The following PREX2 variants were observed in gnomAD, a reference collection of about 807,000 sequenced individuals.
PREX2 encodes the protein phosphatidylinositol-3,4,5-trisphosphate dependent Rac exchange factor 2.
In PREX2, 107 loss-of-function variants were observed where a neutral mutation model predicts 203.2. That is an observed-to-expected ratio of 0.53 (90% CI 0.45 to 0.62). PREX2 has a LOEUF of 0.62. PREX2 is among the 20% of genes least tolerant of loss of function. PREX2 has a pLI of 0.00. For synonymous variants in PREX2, 672 were observed against 663.6 expected, an observed-to-expected ratio of 1.01 and a Z score of -0.19; for missense variants, 1,777 against 1,955.9, an observed-to-expected ratio of 0.91 and a Z score of 1.72.
chr8:68,104,398 C>T (rs1271616930), intron 23 of PREX2, among the ~76,000 whole-genome samples: 2 of 152,176 alleles, frequency 1.3e-5, no homozygotes, highest in African/African-American at 2.4e-5. Flanking sequence ...GCTCTGGTCA[C>T]ACTGGTTTTC....
intron 1 of PREX2, among the ~76,000 whole-genome samples, chr8:67,968,382 T>G (rs1805833862): frequency 6.6e-6 from 1 of 152,168 alleles, no homozygotes; most frequent in African/African-American, 2.4e-5. Flanking sequence ...CTAGAAATGA[T>G]ATTTCTTAAG....
intron 1 of PREX2, among the ~76,000 whole-genome samples, chr8:67,998,923 A>G (rs1395771202): frequency 6.6e-6 from 1 of 152,208 alleles, no homozygotes; most frequent in Non-Finnish European, 1.5e-5. Context: ...GAAGGGCTTG[A>G]CACTTTCTGG....
intron 38 of PREX2, among the ~76,000 whole-genome samples, chr8:68,219,604 T>C (rs55859127): frequency 0.036 from 5,464 of 152,284 alleles, 142 homozygotes; most frequent in Middle Eastern, 0.054. Context: ...CTGCCCCAAG[T>C]TGTGACGTCC....
chr8:68,109,997 T>C (rs1810506018), intron 25 of PREX2, among the ~76,000 whole-genome samples: 1 of 152,218 alleles, frequency 6.6e-6, no homozygotes, highest in South Asian at 2.1e-4. Flanking sequence ...ATGCACTCAA[T>C]AGATATTTAT....
At chr8:68,070,594 A>T (rs993468090) in intron 13 of PREX2, among the ~76,000 whole-genome samples, 1 of 152,148 alleles carries the variant, frequency 6.6e-6, no homozygotes, top group Non-Finnish European at 1.5e-5. Flanking sequence ...ACTAATTTGA[A>T]ATGGTCAGAT....
chr8:68,049,665 A>G (rs1489169288), intron 8 of PREX2, among the ~76,000 whole-genome samples: 2 of 152,124 alleles, frequency 1.3e-5, no homozygotes, highest in Non-Finnish European at 2.9e-5. Flanking sequence ...AAAGAATGGC[A>G]ATTTAAAACC....
Position 68,138,394 on chromosome 8 carries a change from ATTGT to A in PREX2, c.3985-18_3985-15del, listed in dbSNP as rs1473811159. 6.2e-6 allele frequency: 8 copies of A among 1,285,050 alleles called. No homozygotes were observed. The highest frequency in any genetic ancestry group is 8.9e-6 in the Non-Finnish European group (8 of 901,942). The allele number at this position is 1,285,050 out of a possible 1,614,324, so 79.6% of individuals were successfully genotyped here. A position where few individuals can be genotyped will look rare whatever the true frequency, so the allele number is the denominator to read the frequency against. ...TGCTTTATATCATCTTGTATTATAT[ATTGT>A]TTTTCTTTCTTTGTAGACAGATGAA... On this transcript the variant is annotated splice_polypyrimidine_tract_variant and intron_variant, in intron 32 of 39. Coordinates refer to ENST00000288368, the MANE Select transcript of PREX2 (RefSeq NM_024870.4).
chr8:68,038,193 T>C lies in PREX2; in HGVS notation c.740T>C (p.Leu247Pro). The change falls in exon 7 of 40, where the codon CTA becomes CCA. Residue 247 changes from leucine (L) to proline (P), a missense_variant. Physicochemically the swap from Leu to Pro is moderately conservative, Grantham distance 98 (BLOSUM62 -3). Transcript: ENST00000288368. ...SNITDTCTEMLMCGVLLKISS... is the reference protein window; with the variant it reads ...SNITDTCTEMPMCGVLLKISS... The stretch of plus-strand genomic sequence containing the variant: ...ATCACTGACACCTGCACTGAAATGC[T>C]AATGTGTGGAGTCTTACTGAAAATT... 1 of 1,613,676 alleles carries C rather than the reference T, an allele frequency of 6.2e-7. No individual in the cohort carries two copies. Among genetic ancestry groups the C allele is most frequent in the Non-Finnish European group, 8.5e-7 (1 of 1,179,600 alleles).
intron 4 of PREX2, among the ~76,000 whole-genome samples, chr8:68,024,236 A>G (rs1280143088): frequency 6.6e-6 from 1 of 152,066 alleles, no homozygotes; most frequent in Non-Finnish European, 1.5e-5. Flanking sequence ...ATTACTATTC[A>G]TATTATTCAT....
At chr8:68,007,493 C>T (rs1807128493) in intron 1 of PREX2, among the ~76,000 whole-genome samples, 1 of 152,184 alleles carries the variant, frequency 6.6e-6, no homozygotes, top group East Asian at 1.9e-4. Flanking sequence ...GAAGGTCTTC[C>T]TTCAGAAGTT....
chr8:68,229,899 A>G (rs2129615609), intron 39 of PREX2, among the ~76,000 whole-genome samples: 1 of 152,330 alleles, frequency 6.6e-6, no homozygotes, highest in East Asian at 1.9e-4. Flanking sequence ...ATTTGAAGTA[A>G]CACCATATTC....
chr8:68,121,942 T>C (rs1810782585), intron 30 of PREX2, among the ~76,000 whole-genome samples: 1 of 152,170 alleles, frequency 6.6e-6, no homozygotes, highest in Non-Finnish European at 1.5e-5. Context: ...GTGTTTACAT[T>C]TTTATTCTTC....
intron 8 of PREX2, among the ~76,000 whole-genome samples, chr8:68,048,763 T>A (rs1189596659): frequency 6.6e-6 from 1 of 152,038 alleles, no homozygotes; most frequent in Admixed American, 6.6e-5. Flanking sequence ...ATGTGAACTT[T>A]ATAATTTTGT....
At chr8:68,055,201 C>T (rs1808638554) in intron 9 of PREX2, among the ~76,000 whole-genome samples, 1 of 152,172 alleles carries the variant, frequency 6.6e-6, no homozygotes, top group African/African-American at 2.4e-5. Flanking sequence ...TAGCTGCATG[C>T]CCAATACCTA....
chr8:67,968,443 GA>G (rs1439377541), intron 1 of PREX2, among the ~76,000 whole-genome samples: 3 of 152,130 alleles, frequency 2.0e-5, no homozygotes, highest in African/African-American at 7.2e-5. Flanking sequence ...GCAGCACAAA[GA>G]AAAGGAAATA....
intron 37 of PREX2, among the ~76,000 whole-genome samples, chr8:68,208,230 G>T (rs1812675072): frequency 6.6e-6 from 1 of 152,134 alleles, no homozygotes; most frequent in South Asian, 2.1e-4. Flanking sequence ...CATGAAATGT[G>T]CTGTAGTGAA....
chr8:68,039,526 C>T (rs1479443801), intron 7 of PREX2, among the ~76,000 whole-genome samples: 9 of 152,132 alleles, frequency 5.9e-5, no homozygotes, highest in Admixed American at 5.9e-4. Flanking sequence ...TCATGTCCCA[C>T]ATCTGTGTCA....
rs1224266555 is a variant in PREX2 at position 68,093,619 on chromosome 8, A to G, written c.2265A>G (p.Gln755=). ...YRRPTKQDSI[Q]WVYNSIESAQ... is the part of the protein sequence containing the mutation. ...CTCATTTCCAGCAAGATTCCATACAATGGGTTTATAATAGCATTGAGAGTG... is the reference window on the plus strand; with the variant it reads ...CTCATTTCCAGCAAGATTCCATACAGTGGGTTTATAATAGCATTGAGAGTG... Residue 755 remains glutamine (Q), a synonymous_variant, in exon 21 of 40, where the codon CAA becomes CAG. Coordinates refer to ENST00000288368, the MANE Select transcript of PREX2 (RefSeq NM_024870.4). 1.3e-6 allele frequency: 2 copies of G among 1,581,478 alleles called. No homozygotes were observed. Among genetic ancestry groups the G allele is most frequent in the Non-Finnish European group, 1.7e-6 (2 of 1,155,164 alleles).
At chr8:67,960,334 G>GC (rs941139046) in intron 1 of PREX2, among the ~76,000 whole-genome samples, 5 of 152,024 alleles carry the variant, frequency 3.3e-5, no homozygotes, top group Non-Finnish European at 7.4e-5. Context: ...GAGCCACGGT[G>GC]CCCGGCCGGA....
Sources: allele counts gnomAD v4.1 joint callset (sites outside exome capture counted in the v4.1 genomes callset), GRCh38; gene constraint gnomAD v4.1.1; transcripts MANE v1.5; gene names NCBI Gene and HGNC (gene_info 2026-07-23, HGNC 2026-07-21).